The following USP13 variants were observed in gnomAD, a reference collection of about 807,000 sequenced individuals.
USP13 encodes the protein ubiquitin specific peptidase 13.
A neutral mutation model predicts 107.8 loss-of-function variants in USP13; 68 were observed. That is an observed-to-expected ratio of 0.63 (90% confidence interval 0.52 to 0.77). The LOEUF is 0.77. Among genes scored for constraint, USP13 ranks in the 30% least tolerant of loss-of-function variants. USP13 has a pLI of 0.00. For synonymous variants in USP13, 377 were observed against 389.5 expected, an observed-to-expected ratio of 0.97 and a Z score of 0.38; for missense variants, 945 against 1,093.3, an observed-to-expected ratio of 0.86 and a Z score of 1.91.
intron 10 of USP13, among the ~76,000 whole-genome samples, chr3:179,738,599 T>G (rs1714074702): frequency 6.6e-6 from 1 of 152,178 alleles, no homozygotes; most frequent in Admixed American, 6.5e-5. Flanking sequence ...GGGCTGAACT[T>G]GGAGGAAACA....
chr3:179,680,772 A>G (rs1018677795), intron 1 of USP13, among the ~76,000 whole-genome samples: 2 of 151,968 alleles, frequency 1.3e-5, no homozygotes, highest in African/African-American at 4.8e-5. Flanking sequence ...TGAACTCTTG[A>G]CCTCGTGATC....
chr3:179,714,716 T>G (rs1713046207), intron 6 of USP13, among the ~76,000 whole-genome samples: 1 of 152,176 alleles, frequency 6.6e-6, no homozygotes, highest in Admixed American at 6.5e-5. Context: ...AGTGAGACCC[T>G]GTCTCAAAAA....
Position 179,721,472 on chromosome 3 carries a change from G to C in USP13, c.971G>C (p.Gly324Ala). 1 of 1,614,176 alleles carries C rather than the reference G, an allele frequency of 6.2e-7. No homozygotes were observed. Residue 324 changes from glycine to alanine, a missense_variant, in exon 8 of 21, where the codon GGC (glycine) becomes GCC (alanine). Transcript: ENST00000263966. The surrounding 1 kb of genome is among the most constrained non-coding windows in gnomAD (Gnocchi z 4.3). ...VSEWEVIQES[G>A]TKLKPMYGPG... Reference sequence around the variant, plus strand: ...GAGTGGGAAGTGATCCAGGAGTCGGGCACGAAACTGAAGCCAATGTATGGT... The same window carrying C: ...GAGTGGGAAGTGATCCAGGAGTCGGCCACGAAACTGAAGCCAATGTATGGT...
Position 179,678,140 on chromosome 3 carries a change from C to A in USP13, c.169-3738C>A, listed in dbSNP as rs1193076097. Among the ~76,000 whole-genome samples, 1 of 152,056 alleles carries A rather than the reference C, an allele frequency of 6.6e-6. No homozygotes were observed. Among genetic ancestry groups the A allele is most frequent in the East Asian group, 1.9e-4 (1 of 5,180 alleles). On this transcript the variant is annotated intron_variant, in intron 1 of 20. Coordinates refer to ENST00000263966, the MANE Select transcript of USP13 (RefSeq NM_003940.3). This position sits in a 1 kb window ranked among gnomAD's most constrained non-coding sequence, Gnocchi z 4.2. ...CAGAGCATGACCTCTATTACAGATC[C>A]CATATTTTCCCCAGTAAATCTTCTG... is the stretch of plus-strand genomic sequence containing the variant.
intron 17 of USP13, among the ~76,000 whole-genome samples, chr3:179,761,748 C>A (rs1411218975): frequency 1.3e-5 from 2 of 151,298 alleles, no homozygotes; most frequent in African/African-American, 2.4e-5. Context: ...AAAAAAACAA[C>A]AAAAAAAACC....
intron 1 of USP13, among the ~76,000 whole-genome samples, chr3:179,680,821 A>ACTTTCTTTCTTC (rs1560046343): frequency 3.4e-5 from 5 of 147,026 alleles, no homozygotes; most frequent in African/African-American, 7.5e-5. Flanking sequence ...GATTACAGGC[A>ACTTTCTTTCTTC]TGAGTCACCG....
intron 14 of USP13, 116 bp from the exon 15 acceptor site, chr3:179,754,616 G>T: frequency 7.7e-7 from 1 of 1,297,718 alleles, no homozygotes; most frequent in East Asian, 2.8e-5. Context: ...ATATTCTAGG[G>T]AATTGAAAAA....
intron 1 of USP13, among the ~76,000 whole-genome samples, chr3:179,670,664 G>C (rs575905081): frequency 6.6e-6 from 1 of 151,658 alleles, no homozygotes; most frequent in Non-Finnish European, 1.5e-5. Flanking sequence ...TTGGCCGGGC[G>C]CAGTGGCTCA....
In USP13 at chr3:179,784,526, T is replaced by C. The variant is rs1344634438; in HGVS notation, c.*385T>C. On this transcript the variant is annotated 3_prime_UTR_variant, in exon 21 of 21. Transcript: ENST00000263966. ...AGAAACCAAATAATGTGGCCAGTGG[T>C]GTGGCCTTACCCACAACAAATGAAA... 2 of 164,776 alleles carry C rather than the reference T, an allele frequency of 1.2e-5. No individual in the cohort carries two copies. Among genetic ancestry groups the C allele is most frequent in the African/African-American group, 4.8e-5 (2 of 41,704 alleles). 10.2% of individuals were successfully genotyped at this position (164,776 alleles called of 1,614,324 possible).
intron 1 of USP13, among the ~76,000 whole-genome samples, chr3:179,675,535 T>C (rs998349091): frequency 4.6e-5 from 6 of 131,868 alleles, no homozygotes; most frequent in Non-Finnish European, 9.5e-5. Context: ...CTGTAACCTA[T>C]TTTATTATTA....
At chr3:179,708,664 C>T (rs1345388464) in intron 5 of USP13, 109 bp from the exon 6 acceptor site, 15 of 1,328,048 alleles carry the variant, frequency 1.1e-5, no homozygotes, top group South Asian at 1.1e-4. Flanking sequence ...CTCTGTTATT[C>T]CACTGAGCCT....
In USP13 at chr3:179,788,602, C is replaced by T. The variant is rs1715974332; in HGVS notation, c.*4461C>T. The T allele has an allele frequency of 6.6e-6, 1 of 152,036 alleles. No homozygotes were observed. Among genetic ancestry groups the T allele is most frequent in the African/African-American group, 2.4e-5 (1 of 41,374 alleles). 9.4% of individuals were successfully genotyped at this position (152,036 alleles called of 1,614,324 possible). A position where few individuals can be genotyped will look rare whatever the true frequency, so the allele number is the denominator to read the frequency against. The stretch of plus-strand genomic sequence containing the variant: ...CTGAAATGACACTATTTTGGATGTA[C>T]TAAGTAAAATATTAACAATTTAATA... On this transcript the variant is annotated 3_prime_UTR_variant, in exon 21 of 21. Coordinates refer to ENST00000263966, the MANE Select transcript of USP13 (RefSeq NM_003940.3).
At chr3:179,779,861 T>C (rs1053075987) in intron 19 of USP13, among the ~76,000 whole-genome samples, 1 of 152,102 alleles carries the variant, frequency 6.6e-6, no homozygotes, top group African/African-American at 2.4e-5. Context: ...CAAGATATTA[T>C]GGTGACTTGG....
In USP13 at chr3:179,678,709, C is replaced by G. The variant is rs1300381110; in HGVS notation, c.169-3169C>G. ...TCCTGGGCTCAAACAATCTGCCTGC[C>G]TCAGCCTCCCAAAATGCTGGGATTG... On this transcript the variant is annotated intron_variant, in intron 1 of 20. Transcript: ENST00000263966. This position sits in a 1 kb window ranked among gnomAD's most constrained non-coding sequence, Gnocchi z 4.2. Among the ~76,000 whole-genome samples, 1 of 152,164 alleles carries G rather than the reference C, an allele frequency of 6.6e-6. No individual in the cohort carries two copies. The highest frequency in any genetic ancestry group is 1.5e-5 in the Non-Finnish European group (1 of 68,018).
At chr3:179,783,859 T>C (rs1227530341) in intron 20 of USP13, among the ~76,000 whole-genome samples, 189 bp from the exon 21 acceptor site, 1 of 135,202 alleles carries the variant, frequency 7.4e-6, no homozygotes, top group Non-Finnish European at 1.5e-5. Flanking sequence ...GCCTTGTCTC[T>C]TAAAAAAAAA....
At chr3:179,717,262 C>T (rs9841826) in intron 6 of USP13, among the ~76,000 whole-genome samples, 1 of 152,034 alleles carries the variant, frequency 6.6e-6, no homozygotes, top group Non-Finnish European at 1.5e-5. Flanking sequence ...CCACTGAAAA[C>T]TTTTTTTCTC....
intron 4 of USP13, among the ~76,000 whole-genome samples, chr3:179,701,780 C>A (rs1335713800): frequency 2.0e-5 from 3 of 151,992 alleles, no homozygotes; most frequent in Non-Finnish European, 4.4e-5. Context: ...CTTCCTTTTC[C>A]TTTCTTTCGA....
chr3:179,741,923 C>G (rs941836970), intron 11 of USP13, among the ~76,000 whole-genome samples: 1 of 152,042 alleles, frequency 6.6e-6, no homozygotes, highest in African/African-American at 2.4e-5. Context: ...CTCCTCCTTT[C>G]TTCTCATTCC....
intron 2 of USP13, among the ~76,000 whole-genome samples, chr3:179,684,045 C>T (rs929919754): frequency 3.9e-5 from 6 of 151,944 alleles, no homozygotes; most frequent in Middle Eastern, 3.4e-3. Context: ...ACTGCAACCT[C>T]GGCCTCCTGG....
Sources: allele counts gnomAD v4.1 joint callset (sites outside exome capture counted in the v4.1 genomes callset), GRCh38; gene constraint gnomAD v4.1.1; non-coding constraint Gnocchi (gnomAD v3.1); transcripts MANE v1.5; gene names NCBI Gene and HGNC (gene_info 2026-07-23, HGNC 2026-07-21).